The following PROCR variants were observed in gnomAD, a reference collection of about 807,000 sequenced individuals.
PROCR encodes endothelial protein C receptor.
PROCR carries 22 observed loss-of-function variants against 24.2 expected under a neutral mutation model. The observed-to-expected ratio is 0.91, with a 90% CI of 0.65 to 1.30. PROCR has a LOEUF of 1.30. Ranked by LOEUF, PROCR falls within the 50% of genes most tolerant of loss-of-function variation. PROCR has a pLI of 0.00. For missense variants in PROCR, 288 were observed against 307.7 expected (o/e 0.94, Z 0.48); for synonymous variants, 137 against 139.2 (o/e 0.98, Z 0.11).
chr20:35,176,565 C>G, intron 3 of PROCR, 119 bp downstream of exon 3: 2 of 1,595,346 alleles, frequency 1.3e-6, no homozygotes, highest in Non-Finnish European at 1.7e-6. Flanking sequence ...GGGTTTGGGA[C>G]AGAACACACG....
downstream of PROCR, among the ~76,000 whole-genome samples, chr20:35,178,778 G>A (rs1163083872): frequency 3.4e-5 from 5 of 145,514 alleles, no homozygotes; most frequent in Non-Finnish European, 7.5e-5. Flanking sequence ...GCCTCCCAAA[G>A]TGCTGGGATT....
chr20:35,191,127 G>T (rs956867859), intron 1 of PROCR, among the ~76,000 whole-genome samples: 1 of 151,970 alleles, frequency 6.6e-6, no homozygotes, highest in Non-Finnish European at 1.5e-5. Flanking sequence ...CAAAGTGCTG[G>T]GATTACAGGC....
intron 1 of PROCR, among the ~76,000 whole-genome samples, chr20:35,198,404 C>G (rs547867871): frequency 6.6e-6 from 1 of 152,246 alleles, no homozygotes; most frequent in African/African-American, 2.4e-5. Context: ...TTAAACAAGC[C>G]ACAACATTCC....
rs878941705 is a variant in PROCR at position 35,176,092 on chromosome 20, T to C, written c.323-76T>C. The C allele has an allele frequency of 3.3e-5, 50 of 1,504,054 alleles. No individual in the cohort carries two copies. The South Asian group carries it at 5.2e-4, about 16-fold the overall frequency. The allele number at this position is 1,504,054 out of a possible 1,614,324, so 93.2% of individuals were successfully genotyped here. On this transcript the variant is annotated intron_variant, in intron 2 of 3. Coordinates refer to ENST00000216968, the MANE Select transcript of PROCR (RefSeq NM_006404.5). Reference sequence around the variant, plus strand: ...ACTGACTCTTGCCTTCTCATGTTCTTTTCCCCTTGGTGGGCCTCGCCCCAC... The same window carrying C: ...ACTGACTCTTGCCTTCTCATGTTCTCTTCCCCTTGGTGGGCCTCGCCCCAC...
At position 35,188,079 on chromosome 20, in the gene PROCR, C is replaced by G. The variant is rs1208281593; in HGVS notation, c.94+11633C>G. 5.9e-5 allele frequency among the ~76,000 whole-genome samples: 9 copies of G among 152,206 alleles called. 1 individual carries two copies. Among genetic ancestry groups the G allele is most frequent in the Admixed American group, 5.9e-4 (9 of 15,274 alleles). The stretch of plus-strand genomic sequence containing the variant: ...GGGTGGCTTGGCTTACTGGATTCCC[C>G]ATCTTTTAATTCAGTTCAACACGTG... On this transcript the variant is annotated intron_variant, in intron 1 of 1. Transcript: ENST00000634509.
At chr20:35,198,845 G>T (rs1240984137) in intron 1 of PROCR, among the ~76,000 whole-genome samples, 1 of 151,940 alleles carries the variant, frequency 6.6e-6, no homozygotes, top group East Asian at 1.9e-4. Flanking sequence ...CTCCCAAGTA[G>T]TTGGGACTAC....
chr20:35,214,230 G>T (rs1181628215), intron 1 of PROCR, among the ~76,000 whole-genome samples: 2 of 152,164 alleles, frequency 1.3e-5, no homozygotes, highest in Non-Finnish European at 2.9e-5. Flanking sequence ...AAATGAGCAA[G>T]TGCATGCACA....
intron 1 of PROCR, among the ~76,000 whole-genome samples, chr20:35,185,030 C>CAAAA (rs55715132): frequency 6.6e-4 from 69 of 104,000 alleles, no homozygotes; most frequent in East Asian, 2.6e-3. Context: ...ATCAGTAAGA[C>CAAAA]AAAAAAAAAA....
Position 35,177,173 on chromosome 20 carries a change from A to C in PROCR, c.*360A>C. 8.8e-7 allele frequency: 1 copy of C among 1,134,768 alleles called. No individual in the cohort carries two copies. Among genetic ancestry groups the C allele is most frequent in the Non-Finnish European group, 1.1e-6 (1 of 916,016 alleles). The allele number at this position is 1,134,768 out of a possible 1,614,324, so 70.3% of individuals were successfully genotyped here. On this transcript the variant is annotated 3_prime_UTR_variant, in exon 4 of 4. Coordinates refer to ENST00000216968, the MANE Select transcript of PROCR (RefSeq NM_006404.5). ...GGCGTTCAAAAGATATAACCAAATAAACAAGTCATCCACAATCAAAATACA... is the reference window on the plus strand; with the variant it reads ...GGCGTTCAAAAGATATAACCAAATACACAAGTCATCCACAATCAAAATACA...
At chr20:35,209,036 C>T (rs1341507949) in intron 1 of PROCR, among the ~76,000 whole-genome samples, 2 of 152,200 alleles carry the variant, frequency 1.3e-5, no homozygotes, top group East Asian at 3.9e-4. Flanking sequence ...CAGGTATTGT[C>T]CTTGTGTTCA....
chr20:35,194,778 A>G (rs2086201886), intron 1 of PROCR, among the ~76,000 whole-genome samples: 1 of 53,092 alleles, frequency 1.9e-5, no homozygotes, highest in South Asian at 5.2e-4. Context: ...ATGAACTGAC[A>G]CTGCAACCAC....
At chr20:35,173,982 G>C (rs1189250329) in intron 1 of PROCR, among the ~76,000 whole-genome samples, 1 of 152,180 alleles carries the variant, frequency 6.6e-6, no homozygotes, top group Non-Finnish European at 1.5e-5. Context: ...TGCTGGACTT[G>C]ACTGCCTACG....
chr20:35,202,290 C>G (rs989261072), intron 1 of PROCR: 1 of 152,084 alleles, frequency 6.6e-6, no homozygotes, highest in African/African-American at 2.4e-5. Context: ...CCCGTCTCTA[C>G]TAACAATACA....
chr20:35,179,094 A>G (rs1277135958), downstream of PROCR, among the ~76,000 whole-genome samples: 1 of 151,004 alleles, frequency 6.6e-6, no homozygotes, highest in Admixed American at 6.6e-5. Flanking sequence ...TTAGCCGGGC[A>G]TGGTTGCGGG....
intron 1 of PROCR, among the ~76,000 whole-genome samples, chr20:35,206,677 G>A (rs2060344194): frequency 1.3e-5 from 2 of 151,982 alleles, no homozygotes; most frequent in South Asian, 4.1e-4. Flanking sequence ...TACACCTATT[G>A]AAATTGAAAA....
At chr20:35,205,907 T>A (rs2060340383) in intron 1 of PROCR, among the ~76,000 whole-genome samples, 1 of 140,216 alleles carries the variant, frequency 7.1e-6, no homozygotes, top group Non-Finnish European at 1.5e-5. Flanking sequence ...CCTCCGGTGA[T>A]CCCCCCCCCA....
intron 1 of PROCR, among the ~76,000 whole-genome samples, chr20:35,210,092 G>A (rs1013042834): frequency 3.9e-5 from 6 of 152,078 alleles, no homozygotes; most frequent in African/African-American, 9.7e-5. Context: ...CAGGTGTGGT[G>A]GTGTGTGTCT....
chr20:35,207,392 G>GTGTATA lies in PROCR; in HGVS notation c.95-8500_95-8499insGTATAT, dbSNP rs1555791832. 9.7e-3 allele frequency among the ~76,000 whole-genome samples: 1,422 copies of GTGTATA among 146,062 alleles called. 8 individuals carry two copies. The highest frequency in any genetic ancestry group is 0.025 in the African/African-American group (984 of 39,590). ...GCAAATCTATTATGTGTATGTTTGTGTATATATATATATATATATATACAC... is the reference window on the plus strand; with the variant it reads ...GCAAATCTATTATGTGTATGTTTGTGTGTATATATATATATATATATATATATACAC... On this transcript the variant is annotated intron_variant, in intron 1 of 1. Transcript: ENST00000634509.
At chr20:35,200,390 A>G (rs6142320) in intron 1 of PROCR, among the ~76,000 whole-genome samples, 58,379 of 151,990 alleles carry the variant, frequency 0.38, 12,479 homozygotes, top group East Asian at 0.64. Flanking sequence ...AGCCACTCCA[A>G]TCTTCAGCAA....
Sources: gnomAD v4.1 joint callset for allele counts (sites outside exome capture counted in the v4.1 genomes callset) on GRCh38, gnomAD v4.1.1 for gene constraint, MANE v1.5 for transcripts, NCBI Gene and HGNC (gene_info 2026-07-23, HGNC 2026-07-21) for gene names.